TGFBR2: variants seen among roughly 807,000 people sequenced by gnomAD.
The protein encoded by TGFBR2 is transforming growth factor beta receptor 2.
In TGFBR2, 18 loss-of-function variants were observed where a neutral mutation model predicts 49.0. The observed-to-expected ratio is 0.37, with a 90% CI of 0.25 to 0.54. The LOEUF (loss-of-function observed/expected upper bound fraction) is 0.54, where lower values mean the gene tolerates loss of function less well. Among genes scored for constraint, TGFBR2 ranks in the 20% least tolerant of loss-of-function variants. TGFBR2 has a pLI of 0.85. For synonymous variants in TGFBR2, 282 were observed against 275.9 expected, an observed-to-expected ratio of 1.02 and a Z score of -0.22; for missense variants, 525 against 722.6, an observed-to-expected ratio of 0.73 and a Z score of 3.13.
chr3:30,692,450 A>T lies in TGFBR2; in HGVS notation c.*851A>T. 2.2e-5 allele frequency: 5 copies of T among 232,306 alleles called. No homozygotes were observed. The highest frequency in any genetic ancestry group is 4.3e-5 in the Non-Finnish European group (5 of 117,352). The allele number at this position is 232,306 out of a possible 1,614,324, so 14.4% of individuals were successfully genotyped here. A position where few individuals can be genotyped will look rare whatever the true frequency, so the allele number is the denominator to read the frequency against. On this transcript the variant is annotated 3_prime_UTR_variant, in exon 7 of 7. Transcript: ENST00000295754. ...CAGAAAAATCAGAACAGATGTCCCC[A>T]TCCATGCGATTGCCCCACCATCTAC...
At chr3:30,614,248 C>CA (rs1461256953) in intron 1 of TGFBR2, among the ~76,000 whole-genome samples, 4 of 149,900 alleles carry the variant, frequency 2.7e-5, no homozygotes, top group Non-Finnish European at 4.4e-5. Context: ...TTATTTGAAC[C>CA]AAAAAAAGGC....
At chr3:30,683,653 A>G (rs1699573863) in intron 5 of TGFBR2, among the ~76,000 whole-genome samples, 1 of 152,230 alleles carries the variant, frequency 6.6e-6, no homozygotes, top group African/African-American at 2.4e-5. Flanking sequence ...AATCACATGC[A>G]TTTTCCAAAA....
intron 3 of TGFBR2, among the ~76,000 whole-genome samples, chr3:30,669,003 C>T (rs7633945): frequency 0.039 from 5,899 of 151,870 alleles, 309 homozygotes; most frequent in African/African-American, 0.11. Flanking sequence ...CTGGGCCAAG[C>T]GCAGTGGCTC....
chr3:30,680,452 G>A (rs943599349), intron 5 of TGFBR2, among the ~76,000 whole-genome samples: 7 of 152,072 alleles, frequency 4.6e-5, no homozygotes, highest in Admixed American at 4.6e-4. Context: ...TGTGTCGCAG[G>A]CATTGTTTAA....
At chr3:30,620,056 G>A (rs1438365298) in intron 1 of TGFBR2, among the ~76,000 whole-genome samples, 3 of 152,098 alleles carry the variant, frequency 2.0e-5, no homozygotes, top group South Asian at 2.1e-4. Flanking sequence ...GCGTGGTGGC[G>A]GGTGCCTGTA....
chr3:30,607,797 A>ATAT (rs1202221023), intron 1 of TGFBR2, among the ~76,000 whole-genome samples: 1,978 of 131,596 alleles, frequency 0.015, 52 homozygotes, highest in African/African-American at 0.06. Context: ...TAAAAATAAA[A>ATAT]AAATATATAT....
intron 1 of TGFBR2, among the ~76,000 whole-genome samples, chr3:30,608,378 A>G (rs1031798247): frequency 3.3e-5 from 5 of 152,100 alleles, no homozygotes; most frequent in African/African-American, 1.2e-4. Context: ...GAATCTGGGT[A>G]ATTTTACATC....
At chr3:30,652,305 G>A (rs1194324697) in intron 3 of TGFBR2, among the ~76,000 whole-genome samples, 1 of 141,196 alleles carries the variant, frequency 7.1e-6, no homozygotes, top group Admixed American at 7.6e-5. Context: ...CACGATCTTG[G>A]CTCACTGCAA....
chr3:30,623,253 C>A, intron 1 of TGFBR2: 2 of 1,613,748 alleles, frequency 1.2e-6, no homozygotes, highest in Non-Finnish European at 1.7e-6. Flanking sequence ...TGTAATAGGA[C>A]TGCCCATCCA....
intron 6 of TGFBR2, among the ~76,000 whole-genome samples, chr3:30,691,131 G>C (rs1156448397): frequency 6.6e-6 from 1 of 152,158 alleles, no homozygotes; most frequent in East Asian, 1.9e-4. Context: ...TACCCCAGAA[G>C]CCCAGCAGAG....
At chr3:30,657,378 T>G (rs1029921709) in intron 3 of TGFBR2, among the ~76,000 whole-genome samples, 2 of 152,136 alleles carry the variant, frequency 1.3e-5, no homozygotes, top group Admixed American at 1.3e-4. Flanking sequence ...AAATGATGTG[T>G]ATAAACGATG....
At chr3:30,622,018 A>G (rs957850011) in intron 1 of TGFBR2, among the ~76,000 whole-genome samples, 5 of 152,194 alleles carry the variant, frequency 3.3e-5, no homozygotes, top group Admixed American at 1.3e-4. Flanking sequence ...GTGAGTCAAA[A>G]CAATTTTGTT....
intron 3 of TGFBR2, among the ~76,000 whole-genome samples, chr3:30,667,424 C>T (rs1294872748): frequency 6.6e-6 from 1 of 152,154 alleles, no homozygotes; most frequent in Non-Finnish European, 1.5e-5. Context: ...TCCTTCCAGC[C>T]CTGGTTGCTA....
At chr3:30,671,061 T>C (rs956371999) in intron 3 of TGFBR2, among the ~76,000 whole-genome samples, 2 of 152,244 alleles carry the variant, frequency 1.3e-5, no homozygotes, top group African/African-American at 4.8e-5. Context: ...TACATGCAGA[T>C]TTTTTGAAGG....
rs573222269 is a variant in TGFBR2 at position 30,615,767 on chromosome 3, T to A, written c.94+8790T>A. ...TAAAATTTTTTTTCCAGAGATGAGA[T>A]CTCATTCTGTCACTCAGTCTGGAAA... On this transcript the variant is annotated intron_variant, in intron 1 of 6. Coordinates refer to ENST00000295754, the MANE Select transcript of TGFBR2 (RefSeq NM_003242.6). 3.9e-5 allele frequency among the ~76,000 whole-genome samples: 6 copies of A among 152,198 alleles called. No homozygotes were observed. The East Asian group carries it at 1.2e-3, about 29-fold the overall frequency.
chr3:30,628,265 T>C (rs1026197416), intron 1 of TGFBR2, among the ~76,000 whole-genome samples: 5 of 152,096 alleles, frequency 3.3e-5, no homozygotes, highest in Non-Finnish European at 5.9e-5. Flanking sequence ...CTGGAAATTC[T>C]GGGGAAAGGG....
intron 2 of TGFBR2, among the ~76,000 whole-genome samples, chr3:30,645,925 G>A (rs1248476244): frequency 6.6e-6 from 1 of 151,294 alleles, no homozygotes; most frequent in Non-Finnish European, 1.5e-5. Context: ...TTAATTCATG[G>A]TTATAGATTG....
In TGFBR2 at chr3:30,667,767, G is replaced by A. The variant is rs1400817630; in HGVS notation, c.455-3871G>A. 3.3e-5 allele frequency among the ~76,000 whole-genome samples: 5 copies of A among 152,160 alleles called. No homozygotes were observed. The East Asian group carries it at 9.6e-4, about 29-fold the overall frequency. On this transcript the variant is annotated intron_variant, in intron 3 of 6. Coordinates refer to ENST00000295754, the MANE Select transcript of TGFBR2 (RefSeq NM_003242.6). ...ATCAACATTTCATCTGGACGTTTTA[G>A]TGAATTAAGGACAAAGCTAAGTAAT...
At chr3:30,648,547 T>A (rs991348019) in intron 2 of TGFBR2, among the ~76,000 whole-genome samples, 1 of 151,898 alleles carries the variant, frequency 6.6e-6, no homozygotes, top group Non-Finnish European at 1.5e-5. Flanking sequence ...GGGTTAAAGA[T>A]GGGTAGATTT....
Sources: allele counts gnomAD v4.1 joint callset (sites outside exome capture counted in the v4.1 genomes callset), GRCh38; gene constraint gnomAD v4.1.1; transcripts MANE v1.5; gene names NCBI Gene and HGNC (gene_info 2026-07-23, HGNC 2026-07-21).